The following GRID2 variants were observed in gnomAD, a reference collection of about 807,000 sequenced individuals.
GRID2 encodes glutamate ionotropic receptor delta type subunit 2, also known as glutamate receptor ionotropic, delta-2.
Under a neutral mutation model 114.8 loss-of-function variants are expected in GRID2, and 33 were observed. The observed-to-expected ratio is 0.29, with a 90% confidence interval of 0.22 to 0.38. The LOEUF (loss-of-function observed/expected upper bound fraction) is 0.38, where lower values mean the gene tolerates loss of function less well. Ranked by LOEUF, GRID2 falls within the 10% of genes least tolerant of loss-of-function variation. The pLI, the probability that GRID2 is intolerant of heterozygous loss-of-function variation, is 1.00. For synonymous variants in GRID2, 505 were observed against 449.9 expected, an observed-to-expected ratio of 1.12 and a Z score of -1.55; for missense variants, 1,184 against 1,257.7, an observed-to-expected ratio of 0.94 and a Z score of 0.89.
chr4:93,377,541 T>C (rs926518750), intron 8 of GRID2, among the ~76,000 whole-genome samples: 1 of 152,142 alleles, frequency 6.6e-6, no homozygotes, highest in Non-Finnish European at 1.5e-5. Context: ...AGTATTCTAG[T>C]CACCTGTGAT....
chr4:93,083,527 A>G (rs920518700), intron 2 of GRID2, among the ~76,000 whole-genome samples: 2 of 151,706 alleles, frequency 1.3e-5, no homozygotes, highest in African/African-American at 4.8e-5. Flanking sequence ...CTCCGTCTCT[A>G]CTAAAAACAC....
chr4:92,734,689 T>A (rs1285936797), intron 2 of GRID2, among the ~76,000 whole-genome samples: 1 of 152,096 alleles, frequency 6.6e-6, no homozygotes, highest in African/African-American at 2.4e-5. Flanking sequence ...TAGAACATTT[T>A]TTCTCTTCAT....
intron 14 of GRID2, among the ~76,000 whole-genome samples, chr4:93,667,262 T>C (rs1461828640): frequency 6.6e-6 from 1 of 151,950 alleles, no homozygotes; most frequent in Non-Finnish European, 1.5e-5. Flanking sequence ...TTGAAAGAAA[T>C]GGTGTGCTTA....
intron 1 of GRID2, among the ~76,000 whole-genome samples, chr4:92,341,059 C>G (rs1425209538): frequency 6.6e-6 from 1 of 151,956 alleles, no homozygotes; most frequent in East Asian, 1.9e-4. Flanking sequence ...TACAAAAGGG[C>G]AGTATCTAGT....
chr4:92,645,508 C>G (rs140694184), intron 2 of GRID2, among the ~76,000 whole-genome samples: 2,965 of 151,834 alleles, frequency 0.02, 40 homozygotes, highest in Non-Finnish European at 0.031. Flanking sequence ...TTCATATGTA[C>G]TTTACATATT....
intron 13 of GRID2, among the ~76,000 whole-genome samples, chr4:93,524,553 A>G (rs531349371): frequency 1.3e-5 from 2 of 151,994 alleles, no homozygotes; most frequent in Admixed American, 6.6e-5. Context: ...AACAATCCTC[A>G]TGGATATTTG....
rs1754978781 is a variant in GRID2, at chr4:93,302,482, C to T, written c.1245+63992C>T. On this transcript the variant is annotated intron_variant, in intron 8 of 15. Coordinates refer to ENST00000282020, the MANE Select transcript of GRID2 (RefSeq NM_001510.4). Reference sequence around the variant, plus strand: ...TCACTAACAGGCAGAGTAACTCTCACTGAGCAATGCGAACATAATATTCAT... The same window carrying T: ...TCACTAACAGGCAGAGTAACTCTCATTGAGCAATGCGAACATAATATTCAT... 1.8e-5 allele frequency: 8 copies of T among 436,980 alleles called. No homozygotes were observed. In the Middle Eastern group the frequency reaches 1.7e-3, roughly 95 times the overall value. 27.1% of individuals were successfully genotyped at this position (436,980 alleles called of 1,614,324 possible).
At chr4:92,599,976 G>T (rs1022573598) in intron 2 of GRID2, among the ~76,000 whole-genome samples, 4 of 148,152 alleles carry the variant, frequency 2.7e-5, no homozygotes, top group African/African-American at 5.0e-5. Flanking sequence ...AACGAGGCGA[G>T]ATTGCGCCAC....
At position 93,250,362 on chromosome 4, in the gene GRID2, TG is replaced by T. The variant is rs375512994; in HGVS notation, c.1245+11877del. On this transcript the variant is annotated intron_variant, in intron 8 of 15. Transcript: ENST00000282020. ...GCCTGTCAGAGGGTGGGGTGCTGTG[TG>T]GGGGATAGCATTAGGGGAAATACCT... 1.2e-3 allele frequency among the ~76,000 whole-genome samples: 178 copies of T among 151,736 alleles called. 3 individuals carry two copies. The highest frequency in any genetic ancestry group is 4.3e-3 in the African/African-American group (176 of 41,394).
intron 8 of GRID2, among the ~76,000 whole-genome samples, chr4:93,331,126 A>T (rs1469836745): frequency 1.6e-5 from 2 of 123,650 alleles, no homozygotes; most frequent in Non-Finnish European, 3.4e-5. Flanking sequence ...CTGCTATCTA[A>T]CCCCCCCCCC....
intron 4 of GRID2, among the ~76,000 whole-genome samples, chr4:93,155,446 T>C (rs866404769): frequency 1.3e-5 from 2 of 151,954 alleles, no homozygotes; most frequent in African/African-American, 2.4e-5. Flanking sequence ...TTGACTCCTA[T>C]TTTCCCCTGG....
chr4:92,609,857 T>C (rs1407969534), intron 2 of GRID2, among the ~76,000 whole-genome samples: 1 of 151,804 alleles, frequency 6.6e-6, no homozygotes, highest in Non-Finnish European at 1.5e-5. Context: ...TATTTGATTT[T>C]ATTTAGAAAC....
intron 1 of GRID2, among the ~76,000 whole-genome samples, chr4:92,481,981 GATATATAT>G (rs35103752): frequency 0.013 from 607 of 46,912 alleles, 4 homozygotes; most frequent in East Asian, 0.025. Flanking sequence ...AATAAAATGT[GATATATAT>G]ATATATATAT....
At chr4:92,620,666 A>C (rs1284468570) in intron 2 of GRID2, among the ~76,000 whole-genome samples, 1 of 151,684 alleles carries the variant, frequency 6.6e-6, no homozygotes, top group African/African-American at 2.4e-5. Flanking sequence ...GTTACTCCTT[A>C]CATAACACTT....
intron 1 of GRID2, among the ~76,000 whole-genome samples, chr4:92,496,848 A>G (rs1723411149): frequency 6.6e-6 from 1 of 151,770 alleles, no homozygotes; most frequent in Non-Finnish European, 1.5e-5. Flanking sequence ...AAGATCCTCC[A>G]GATATCTTTT....
intron 14 of GRID2, among the ~76,000 whole-genome samples, chr4:93,663,643 A>G (rs1182389939): frequency 6.6e-6 from 1 of 152,178 alleles, no homozygotes; most frequent in Non-Finnish European, 1.5e-5. Flanking sequence ...TGAAGGAAGG[A>G]GCATTTACGT....
chr4:93,063,131 G>A (rs1032954986), intron 2 of GRID2, among the ~76,000 whole-genome samples: 14 of 151,730 alleles, frequency 9.2e-5, no homozygotes, highest in South Asian at 2.1e-4. Context: ...AAACTTTCTC[G>A]GGCGAAAGGA....
intron 1 of GRID2, among the ~76,000 whole-genome samples, chr4:92,589,139 G>C (rs1020377612): frequency 5.3e-5 from 8 of 151,994 alleles, no homozygotes; most frequent in Non-Finnish European, 1.2e-4. Context: ...AACAAAAAGA[G>C]CAGTGAAAAG....
chr4:93,336,458 A>C (rs2149239164), intron 8 of GRID2, among the ~76,000 whole-genome samples: 1 of 152,312 alleles, frequency 6.6e-6, no homozygotes, highest in Admixed American at 6.5e-5. Context: ...ACGAATATCT[A>C]GGTTATTTAG....
Sources: allele counts gnomAD v4.1 joint callset (sites outside exome capture counted in the v4.1 genomes callset), GRCh38; gene constraint gnomAD v4.1.1; transcripts MANE v1.5; gene names NCBI Gene and HGNC (gene_info 2026-07-23, HGNC 2026-07-21).